The following SCN8A variants were observed in gnomAD, a reference collection of about 807,000 sequenced individuals.
SCN8A encodes the protein sodium channel protein type 8 subunit alpha.
SCN8A carries 30 observed loss-of-function variants against 184.1 expected under a neutral mutation model. That is an observed-to-expected ratio of 0.16 (90% CI 0.12 to 0.22). The LOEUF is 0.22. SCN8A is among the 10% of genes least tolerant of loss of function. SCN8A has a pLI of 1.00. For missense variants in SCN8A, 1,057 were observed against 2,498.9 expected (o/e 0.42, Z 12.30); for synonymous variants, 852 against 907.0 (o/e 0.94, Z 1.09).
chr12:51,734,238 G>A (rs1044417386), intron 12 of SCN8A, among the ~76,000 whole-genome samples: 5 of 152,272 alleles, frequency 3.3e-5, no homozygotes, highest in Admixed American at 6.5e-5. Flanking sequence ...ACCCAGTGGC[G>A]CTAGAGGAAT....
Position 51,699,613 on chromosome 12 carries a change from A to G in SCN8A, c.750A>G (p.Lys250=). 2 of 1,613,910 alleles carry G rather than the reference A, an allele frequency of 1.2e-6. No individual in the cohort carries two copies. The highest frequency in any genetic ancestry group is 1.7e-6 in the Non-Finnish European group (2 of 1,179,942). The change falls in exon 7 of 27, where the codon AAA becomes AAG. Residue 250 remains lysine, a synonymous_variant. Coordinates refer to ENST00000627620, the MANE Select transcript of SCN8A (RefSeq NM_001330260.2). ...IVGALIQSVK[K]LSDVMILTVF... is the part of the protein sequence containing the mutation. Reference sequence around the variant, plus strand: ...GTGCCCTGATTCAGTCTGTGAAGAAACTGTCAGATGTGATGATCCTGACAG... The same window carrying G: ...GTGCCCTGATTCAGTCTGTGAAGAAGCTGTCAGATGTGATGATCCTGACAG...
At chr12:51,727,935 G>A (rs1194454983) in intron 12 of SCN8A, among the ~76,000 whole-genome samples, 1 of 152,026 alleles carries the variant, frequency 6.6e-6, no homozygotes, top group Non-Finnish European at 1.5e-5. Context: ...GGGTGACAGG[G>A]CGAGACTCTT....
chr12:51,770,332 C>T, intron 18 of SCN8A, 197 bp from the exon 19 acceptor site: 1 of 625,636 alleles, frequency 1.6e-6, no homozygotes, highest in East Asian at 2.8e-5. Flanking sequence ...CTCCTGAGGG[C>T]CTTGCCCCAT....
intron 1 of SCN8A, among the ~76,000 whole-genome samples, chr12:51,633,461 G>C (rs1482989986): frequency 1.3e-5 from 2 of 149,010 alleles, no homozygotes; most frequent in Non-Finnish European, 2.9e-5. Context: ...TTCATCAACT[G>C]TTTGGCCGAG....
intron 1 of SCN8A, among the ~76,000 whole-genome samples, chr12:51,624,346 A>C (rs1437915050): frequency 2.0e-5 from 3 of 151,990 alleles, no homozygotes; most frequent in African/African-American, 7.3e-5. Context: ...TTTGATTTGC[A>C]TTTTTCTGAT....
chr12:51,766,557 G>A (rs1942841287), intron 16 of SCN8A, among the ~76,000 whole-genome samples: 1 of 152,076 alleles, frequency 6.6e-6, no homozygotes, highest in Non-Finnish European at 1.5e-5. Flanking sequence ...GTCCCTGGGG[G>A]GCAAAATTGC....
At chr12:51,705,712 A>G (rs1290791828) in intron 10 of SCN8A, 89 bp downstream of exon 10, 2 of 1,201,066 alleles carry the variant, frequency 1.7e-6, no homozygotes, top group African/African-American at 3.0e-5. Flanking sequence ...GATCTTTTCT[A>G]GGCATATTTT....
intron 1 of SCN8A, among the ~76,000 whole-genome samples, chr12:51,631,698 C>T (rs1774863564): frequency 6.6e-6 from 1 of 152,182 alleles, no homozygotes; most frequent in Admixed American, 6.5e-5. Flanking sequence ...GGTAAAGACC[C>T]TTGTTTCAAA....
chr12:51,789,030 C>A (rs1938168227), intron 23 of SCN8A, among the ~76,000 whole-genome samples: 1 of 152,116 alleles, frequency 6.6e-6, no homozygotes, highest in Non-Finnish European at 1.5e-5. Context: ...AAAAGTATGG[C>A]TCCTAGCAGA....
chr12:51,743,498 G>T (rs1942459320), intron 12 of SCN8A, among the ~76,000 whole-genome samples: 1 of 152,198 alleles, frequency 6.6e-6, no homozygotes, highest in Admixed American at 6.5e-5. Context: ...ACAAAGATTT[G>T]TTCTTTTTCC....
chr12:51,754,351 C>T (rs1471738142), intron 14 of SCN8A, among the ~76,000 whole-genome samples: 8 of 148,734 alleles, frequency 5.4e-5, no homozygotes, highest in Admixed American at 3.3e-4. Flanking sequence ...CAATAAAAGC[C>T]TTATCACATA....
At chr12:51,722,253 C>G (rs1027725479) in intron 12 of SCN8A, 1 of 377,918 alleles carries the variant, frequency 2.6e-6, no homozygotes, top group East Asian at 5.3e-5. Context: ...CCATCTTTAT[C>G]TTTGCTAGTC....
intron 20 of SCN8A, 84 bp from the exon 21 acceptor site, chr12:51,780,565 C>CCTT: frequency 3.4e-6 from 1 of 297,248 alleles, no homozygotes; most frequent in Non-Finnish European, 4.1e-6. Context: ...TGTTTTCTTT[C>CCTT]TTTTTTTTTT....
chr12:51,774,007 G>A (rs1049067854), intron 19 of SCN8A, among the ~76,000 whole-genome samples, 182 bp from the exon 20 acceptor site: 4 of 152,168 alleles, frequency 2.6e-5, no homozygotes, highest in Non-Finnish European at 4.4e-5. Context: ...TATGATGTGT[G>A]GATTGTATCT....
At chr12:51,607,660 C>A (rs2138570992) in intron 1 of SCN8A, among the ~76,000 whole-genome samples, 2 of 152,228 alleles carry the variant, frequency 1.3e-5, no homozygotes, top group Middle Eastern at 6.8e-3. Context: ...TTGTCGAATG[C>A]TTTTTCTGCA....
chr12:51,759,093 A>G (rs1942725748), intron 14 of SCN8A, among the ~76,000 whole-genome samples: 1 of 152,128 alleles, frequency 6.6e-6, no homozygotes, highest in Admixed American at 6.5e-5. Context: ...CAGTGATACC[A>G]TAAGATTATA....
intron 12 of SCN8A, among the ~76,000 whole-genome samples, chr12:51,734,804 G>C (rs1942298401): frequency 6.6e-6 from 1 of 152,196 alleles, no homozygotes; most frequent in African/African-American, 2.4e-5. Flanking sequence ...TGCATCTGCA[G>C]ACTATACAAA....
intron 1 of SCN8A, among the ~76,000 whole-genome samples, chr12:51,634,199 GATCA>G (rs1940262586): frequency 6.6e-6 from 1 of 152,182 alleles, no homozygotes; most frequent in Non-Finnish European, 1.5e-5. Flanking sequence ...TTCAGGATAT[GATCA>G]ATATGTTGCA....
chr12:51,675,109 A>G (rs890480906), intron 2 of SCN8A, among the ~76,000 whole-genome samples: 3 of 152,220 alleles, frequency 2.0e-5, no homozygotes, highest in Non-Finnish European at 4.4e-5. Flanking sequence ...GTGCACTTTA[A>G]GAGGTTAAAG....
Sources: gnomAD v4.1 joint callset for allele counts (sites outside exome capture counted in the v4.1 genomes callset) on GRCh38, gnomAD v4.1.1 for gene constraint, MANE v1.5 for transcripts, NCBI Gene and HGNC (gene_info 2026-07-23, HGNC 2026-07-21) for gene names.